Variants in ATF1 observed in about 807,000 individuals in gnomAD.
The protein encoded by ATF1 is cyclic AMP-dependent transcription factor ATF-1.
ATF1 carries 16 observed loss-of-function variants against 34.7 expected under a neutral mutation model. That is an observed-to-expected ratio of 0.46 (90% CI 0.31 to 0.70). The LOEUF is 0.70. Among genes scored for constraint, ATF1 ranks in the 30% least tolerant of loss-of-function variants. ATF1 has a pLI of 0.05. For missense variants in ATF1, 255 were observed against 321.6 expected, an observed-to-expected ratio of 0.79 and a Z score of 1.58; for synonymous variants, 105 against 113.1, an observed-to-expected ratio of 0.93 and a Z score of 0.46.
At chr12:50,775,040 G>A (rs1160158660) in intron 1 of ATF1, among the ~76,000 whole-genome samples, 1 of 151,804 alleles carries the variant, frequency 6.6e-6, no homozygotes, top group Non-Finnish European at 1.5e-5. Flanking sequence ...CACCGTGCCT[G>A]GCCAAGAGCT....
chr12:50,779,380 A>C (rs929307432), intron 1 of ATF1, among the ~76,000 whole-genome samples: 1 of 152,210 alleles, frequency 6.6e-6, no homozygotes, highest in African/African-American at 2.4e-5. Context: ...ACAGTAGTGT[A>C]CCAGGGTTCC....
At chr12:50,766,031 C>T (rs1323138642) in intron 1 of ATF1, among the ~76,000 whole-genome samples, 3 of 152,108 alleles carry the variant, frequency 2.0e-5, no homozygotes, top group Non-Finnish European at 2.9e-5. Flanking sequence ...TTATTTCTTG[C>T]GCGAGATCCA....
At chr12:50,787,740 TA>T (rs576274195) in intron 2 of ATF1, among the ~76,000 whole-genome samples, 432 of 144,294 alleles carry the variant, frequency 3.0e-3, no homozygotes, top group African/African-American at 5.3e-3. Flanking sequence ...AGGCCTTGTC[TA>T]AAAAAAAAAA....
At chr12:50,800,438 C>G (rs1446847383) in intron 3 of ATF1, among the ~76,000 whole-genome samples, 1 of 152,156 alleles carries the variant, frequency 6.6e-6, no homozygotes, top group Non-Finnish European at 1.5e-5. Context: ...ATATAATGGA[C>G]AGTTCCTCTC....
chr12:50,770,495 C>A (rs574529493), intron 1 of ATF1, among the ~76,000 whole-genome samples: 1 of 152,192 alleles, frequency 6.6e-6, no homozygotes, highest in African/African-American at 2.4e-5. Context: ...AGGGTACAAA[C>A]CCATGTCAGG....
chr12:50,780,652 TAAA>T (rs112410474), intron 2 of ATF1, among the ~76,000 whole-genome samples: 2 of 139,716 alleles, frequency 1.4e-5, no homozygotes, highest in Non-Finnish European at 1.5e-5. Flanking sequence ...GCATTAATGT[TAAA>T]AAAAAAAAAA....
intron 3 of ATF1, among the ~76,000 whole-genome samples, chr12:50,807,489 C>G (rs898810823): frequency 6.6e-6 from 1 of 152,128 alleles, no homozygotes; most frequent in Non-Finnish European, 1.5e-5. Context: ...AAGGCTCTAA[C>G]TATTCAATAA....
intron 2 of ATF1, 85 bp downstream of exon 2, chr12:50,780,323 T>C: frequency 1.6e-6 from 2 of 1,268,760 alleles, no homozygotes; most frequent in Admixed American, 4.8e-5. Context: ...ATTATTAATG[T>C]GTTTTATTTT....
intron 3 of ATF1, among the ~76,000 whole-genome samples, chr12:50,804,897 C>T (rs1230304241): frequency 2.0e-5 from 3 of 151,770 alleles, no homozygotes; most frequent in South Asian, 2.1e-4. Context: ...CTGCAACCTC[C>T]GCCTTCCAGG....
At position 50,820,035 on chromosome 12, in the gene ATF1, A is replaced by C. The variant is rs1327354937; in HGVS notation, c.*256A>C. ...CAAGAAATGAACTTTCAGCAGTCTA[A>C]ATTTTCTAAATAACCAATAGTTGCC... On this transcript the variant is annotated 3_prime_UTR_variant, in exon 7 of 7. Coordinates refer to ENST00000262053, the MANE Select transcript of ATF1 (RefSeq NM_005171.5). 3.4e-6 allele frequency: 1 copy of C among 297,674 alleles called. No individual in the cohort carries two copies. Among genetic ancestry groups the C allele is most frequent in the African/African-American group, 2.2e-5 (1 of 46,432 alleles). 18.4% of individuals were successfully genotyped at this position (297,674 alleles called of 1,614,324 possible).
intron 2 of ATF1, 42 bp downstream of exon 2, chr12:50,780,280 A>G: frequency 1.4e-6 from 2 of 1,448,172 alleles, no homozygotes; most frequent in Middle Eastern, 1.8e-4. Flanking sequence ...TGTTAGGAAT[A>G]TTTTATATGC....
intron 6 of ATF1, among the ~76,000 whole-genome samples, chr12:50,815,648 C>T (rs1208340814): frequency 1.3e-5 from 2 of 151,946 alleles, no homozygotes; most frequent in African/African-American, 4.8e-5. Context: ...GCCTCAGCCT[C>T]CCAAAGTGCT....
At position 50,780,142 on chromosome 12, in the gene ATF1, G is replaced by C. The variant is rs749721133; in HGVS notation, c.-4G>C. The C allele has an allele frequency of 2.5e-5, 40 of 1,606,980 alleles. No homozygotes were observed. The East Asian group carries it at 8.0e-4, about 32-fold the overall frequency. On this transcript the variant is annotated splice_region_variant and 5_prime_UTR_variant, in exon 2 of 7. Coordinates refer to ENST00000262053, the MANE Select transcript of ATF1 (RefSeq NM_005171.5). ...ACGGACTTTTTTCCCCCTTATAGTT[G>C]ATTATGGAAGATTCCCACAAGAGTA...
intron 2 of ATF1, among the ~76,000 whole-genome samples, chr12:50,789,149 A>G (rs1369405237): frequency 6.6e-6 from 1 of 151,696 alleles, no homozygotes; most frequent in Non-Finnish European, 1.5e-5. Flanking sequence ...TGCAATCTCA[A>G]CTCACTACAA....
intron 3 of ATF1, among the ~76,000 whole-genome samples, chr12:50,798,599 A>G (rs371535895): frequency 5.9e-5 from 9 of 152,178 alleles, no homozygotes; most frequent in East Asian, 1.9e-4. Context: ...GTGAGTCACC[A>G]TGCCCAGCCT....
intron 3 of ATF1, among the ~76,000 whole-genome samples, chr12:50,805,549 C>T (rs994250705): frequency 2.7e-5 from 4 of 145,850 alleles, no homozygotes; most frequent in Non-Finnish European, 1.5e-5. Context: ...CAGAGTGAGA[C>T]CCTGTCTGTC....
chr12:50,782,360 A>T (rs966467934), intron 2 of ATF1, among the ~76,000 whole-genome samples: 8 of 151,582 alleles, frequency 5.3e-5, no homozygotes, highest in Non-Finnish European at 1.5e-5. Flanking sequence ...GGTTCACGCC[A>T]TTCTCCTGCC....
intron 3 of ATF1, among the ~76,000 whole-genome samples, chr12:50,798,712 T>C (rs914925573): frequency 6.6e-6 from 1 of 152,138 alleles, no homozygotes; most frequent in Non-Finnish European, 1.5e-5. Context: ...CAGATTAGTA[T>C]AAATCAAATA....
intron 3 of ATF1, 54 bp from the exon 4 acceptor site, chr12:50,809,402 T>G (rs2139688727): frequency 5.9e-5 from 77 of 1,307,038 alleles, no homozygotes; most frequent in Non-Finnish European, 7.7e-5. Flanking sequence ...AAAATTATTT[T>G]TGTGAAGTCA....
Sources: allele counts gnomAD v4.1 joint callset (sites outside exome capture counted in the v4.1 genomes callset), GRCh38; gene constraint gnomAD v4.1.1; transcripts MANE v1.5; gene names NCBI Gene and HGNC (gene_info 2026-07-23, HGNC 2026-07-21).